Variants in SLC6A13 observed in about 807,000 individuals in gnomAD.
SLC6A13 encodes solute carrier family 6 member 13.
A neutral mutation model predicts 72.9 loss-of-function variants in SLC6A13; 69 were observed. The ratio of observed to expected loss-of-function variants is 0.95; its 90% CI spans 0.78 to 1.16. The LOEUF is 1.16. Ranked by LOEUF, SLC6A13 falls within the 50% of genes most tolerant of loss-of-function variation. The probability of loss-of-function intolerance (pLI) is 0.00; values close to 1 mark genes in which losing one functional copy is unlikely to be tolerated. For synonymous variants in SLC6A13, 303 were observed against 303.0 expected (o/e 1.00, Z 0.00); for missense variants, 735 against 760.5 (o/e 0.97, Z 0.39).
rs536589679 is a variant in SLC6A13, at chr12:224,481, C to T, written c.1093G>A (p.Ala365Thr). The T allele has an allele frequency of 2.5e-6, 4 of 1,614,130 alleles. No homozygotes were observed. The highest frequency in any genetic ancestry group is 3.3e-5 in the Admixed American group (2 of 60,026). The change falls in exon 10 of 15, where the codon GCT becomes ACT. Residue 365 changes from alanine (A) to threonine (T), a missense_variant. Ala to Thr is a moderately conservative substitution (Grantham distance 58, BLOSUM62 0). Coordinates refer to ENST00000343164, the MANE Select transcript of SLC6A13 (RefSeq NM_016615.5). ...PGLAFIAYPRAVVMLPFSPLW... is the reference protein window; with the variant it reads ...PGLAFIAYPRTVVMLPFSPLW... Reference sequence around the variant, plus strand: ...GGAGAGAAGGGCAGCATCACCACAGCCCGCGGGTAAGCGATGAAAGCCAGG... The same window carrying T: ...GGAGAGAAGGGCAGCATCACCACAGTCCGCGGGTAAGCGATGAAAGCCAGG...
At chr12:231,991 TG>T (rs1270360958) in intron 7 of SLC6A13, among the ~76,000 whole-genome samples, 5 of 152,230 alleles carry the variant, frequency 3.3e-5, no homozygotes. Flanking sequence ...GTTGCAGATG[TG>T]AGGATGAAAA....
intron 2 of SLC6A13, among the ~76,000 whole-genome samples, chr12:251,878 A>C (rs1353708672): frequency 6.6e-6 from 1 of 152,178 alleles, no homozygotes; most frequent in Admixed American, 6.5e-5. Flanking sequence ...TGGGAAGATC[A>C]TTTGAGCTCA....
chr12:231,275 G>A (rs529722149), intron 7 of SLC6A13, among the ~76,000 whole-genome samples: 53 of 152,358 alleles, frequency 3.5e-4, no homozygotes, highest in African/African-American at 1.2e-3. Context: ...GCAGAAAAAG[G>A]GGAGCAAACG....
chr12:223,586 C>T (rs1322112343), intron 11 of SLC6A13, among the ~76,000 whole-genome samples: 1 of 152,036 alleles, frequency 6.6e-6, no homozygotes, highest in Non-Finnish European at 1.5e-5. Flanking sequence ...CTGACAAGCT[C>T]CGTCTCCCTC....
chr12:227,730 G>A lies in SLC6A13; in HGVS notation c.832-62C>T, dbSNP rs181053534. 1.2e-5 allele frequency: 17 copies of A among 1,403,548 alleles called. No homozygotes were observed. The African/African-American group carries it at 1.6e-4, about 13-fold the overall frequency. 86.9% of individuals were successfully genotyped at this position (1,403,548 alleles called of 1,614,324 possible). A position where few individuals can be genotyped will look rare whatever the true frequency, so the allele number is the denominator to read the frequency against. ...GAAAGCCAGGCCATTCAAGCCATGG[G>A]CGGACACAGGCATGTGGCTGAGCCA... On this transcript the variant is annotated intron_variant, in intron 7 of 14. Coordinates refer to ENST00000343164, the MANE Select transcript of SLC6A13 (RefSeq NM_016615.5).
chr12:229,531 A>G (rs1481027166), intron 7 of SLC6A13, among the ~76,000 whole-genome samples: 13 of 152,230 alleles, frequency 8.5e-5, no homozygotes, highest in Admixed American at 8.5e-4. Flanking sequence ...CCTTCTGGCA[A>G]AAGGCCCTGA....
At chr12:256,319 T>A (rs1376770653) in intron 2 of SLC6A13, among the ~76,000 whole-genome samples, 2 of 152,086 alleles carry the variant, frequency 1.3e-5, no homozygotes, top group Non-Finnish European at 2.9e-5. Flanking sequence ...GCTCAGGGCT[T>A]GGCTGAGTAT....
Position 226,391 on chromosome 12 carries a change from T to C in SLC6A13, c.1059A>G (p.Ser353=), listed in dbSNP as rs754849417. 18 of 1,613,834 alleles carry C rather than the reference T, an allele frequency of 1.1e-5. No individual in the cohort carries two copies. The highest frequency in any genetic ancestry group is 1.5e-5 in the Non-Finnish European group (18 of 1,179,780). ...QGVPISEVAE[S]GPGLAFIAYP... ...CCAGGCCTCCCCAGTAACACTCACC[T>C]GACTCGGCCACCTCAGAAATGGGCA... Residue 353 remains serine (S), a splice_region_variant and synonymous_variant, in exon 9 of 15, where the codon TCA becomes TCG. Transcript: ENST00000343164.
rs1228114908 is a variant in SLC6A13 at position 220,976 on chromosome 12, C to T, written c.1781G>A (p.Arg594Lys). The change falls in exon 15 of 15, where the codon AGA (arginine) becomes AAA (lysine). Residue 594 changes from arginine to lysine, a missense_variant. Transcript: ENST00000343164. ...GCAGTGAGACTCTAGCTCTGTGAGTCTGAGCAGTGAGGTCCTGGGGGTGGC... is the reference window on the plus strand; with the variant it reads ...GCAGTGAGACTCTAGCTCTGTGAGTTTGAGCAGTGAGGTCCTGGGGGTGGC... ...APATPRTSLL[R>K]LTELESHC 1.2e-6 allele frequency: 2 copies of T among 1,613,118 alleles called. No individual in the cohort carries two copies. Among genetic ancestry groups the T allele is most frequent in the Non-Finnish European group, 1.7e-6 (2 of 1,179,956 alleles).
intron 7 of SLC6A13, among the ~76,000 whole-genome samples, chr12:233,251 G>T (rs1307178945): frequency 2.6e-5 from 4 of 152,164 alleles, no homozygotes; most frequent in Admixed American, 2.0e-4. Flanking sequence ...GGCCTCTGGG[G>T]CGGAGCTTAC....
chr12:250,230 G>A (rs185994474), intron 2 of SLC6A13, among the ~76,000 whole-genome samples: 3 of 152,208 alleles, frequency 2.0e-5, no homozygotes, highest in South Asian at 2.1e-4. Context: ...AATAAAACAA[G>A]TGTCTATTCT....
In SLC6A13 at chr12:227,423, C is replaced by T. The variant is rs1046059388; in HGVS notation, c.935+142G>A. ...GTTGGCTCCTTGCAGCTCCTGGTAG[C>T]CCTGGGGTGTTGGATATGGGGGTGT... is the stretch of plus-strand genomic sequence containing the variant. On this transcript the variant is annotated intron_variant, in intron 8 of 14. Transcript: ENST00000343164. 4 of 1,432,702 alleles carry T rather than the reference C, an allele frequency of 2.8e-6. No individual in the cohort carries two copies. In the Admixed American group the frequency reaches 8.8e-5, roughly 32 times the overall value. The allele number at this position is 1,432,702 out of a possible 1,614,324, so 88.7% of individuals were successfully genotyped here. A position where few individuals can be genotyped will look rare whatever the true frequency, so the allele number is the denominator to read the frequency against.
rs1273350391 is a variant in SLC6A13 at position 223,158 on chromosome 12, T to C, written c.1388A>G (p.Glu463Gly). 4 of 1,613,384 alleles carry C rather than the reference T, an allele frequency of 2.5e-6. No individual in the cohort carries two copies. The African/African-American group carries it at 5.3e-5, about 22-fold the overall frequency. The change falls in exon 12 of 15, where the codon GAG becomes GGG. Residue 463 changes from glutamate (E) to glycine (G), a missense_variant. Physicochemically the swap from Glu to Gly is moderately conservative, Grantham distance 98 (BLOSUM62 -2). Transcript: ENST00000343164. ...GTAAACCCAAGCCACACAGAGGGAC[T>C]CGAAGATGGCCACGAACAGGAGGCA... is the stretch of plus-strand genomic sequence containing the variant. ...GMCLLFVAIF[E>G]SLCVAWVYGA...
In SLC6A13 at chr12:250,833, C is replaced by CAAAAAAAAAAAAAAAA. The variant is rs71045051; in HGVS notation, c.203-7036_203-7021dup. Among the ~76,000 whole-genome samples, 14 of 82,594 alleles carry CAAAAAAAAAAAAAAAA rather than the reference C, an allele frequency of 1.7e-4. 1 individual carries two copies. Among genetic ancestry groups the CAAAAAAAAAAAAAAAA allele is most frequent in the African/African-American group, 2.5e-4 (5 of 20,280 alleles). The allele number at this position is 82,594 out of a possible 152,430, so 54.2% of individuals were successfully genotyped here. A position where few individuals can be genotyped will look rare whatever the true frequency, so the allele number is the denominator to read the frequency against. On this transcript the variant is annotated intron_variant, in intron 2 of 14. Transcript: ENST00000343164. ...ATGATAAGGACCCAAAATAGCCCCC[C>CAAAAAAAAAAAAAAAA]AAAAAAAAAAAAAAAAAAACCTAAA...
At chr12:237,788 CAT>C in intron 5 of SLC6A13, 136 bp downstream of exon 5, 2 of 674,530 alleles carry the variant, frequency 3.0e-6, no homozygotes, top group South Asian at 3.6e-5. Flanking sequence ...TAACCACAAA[CAT>C]AGGCACCACA....
At chr12:237,047 G>C (rs1326361519) in intron 6 of SLC6A13, 111 bp downstream of exon 6, 1 of 1,203,414 alleles carries the variant, frequency 8.3e-7, no homozygotes, top group African/African-American at 1.5e-5. Flanking sequence ...TCCTCGCTGG[G>C]TCATCGCCTC....
rs1273952242 is a variant in SLC6A13 at position 254,752 on chromosome 12, A to G, written c.202+5099T>C. On this transcript the variant is annotated intron_variant, in intron 2 of 14. Coordinates refer to ENST00000343164, the MANE Select transcript of SLC6A13 (RefSeq NM_016615.5). The surrounding 1 kb of genome is among the most constrained non-coding windows in gnomAD (Gnocchi z 4.4). Reference sequence around the variant, plus strand: ...AGCCAGATCTCTCTCACAAACCCCAAACTCACATTCTATTGCCCAGTTGCC... The same window carrying G: ...AGCCAGATCTCTCTCACAAACCCCAGACTCACATTCTATTGCCCAGTTGCC... Among the ~76,000 whole-genome samples the G allele has an allele frequency of 6.6e-6, 1 of 152,142 alleles. No homozygotes were observed. The highest frequency in any genetic ancestry group is 2.4e-5 in the African/African-American group (1 of 41,434).
At chr12:230,217 GA>G (rs1178342820) in intron 7 of SLC6A13, among the ~76,000 whole-genome samples, 1 of 152,136 alleles carries the variant, frequency 6.6e-6, no homozygotes, top group Non-Finnish European at 1.5e-5. Context: ...CCGACCAAGG[GA>G]AAAATAAGTG....
Position 243,784 on chromosome 12 carries a change from G to C in SLC6A13, c.232C>G (p.Leu78Val). The C allele has an allele frequency of 6.2e-7, 1 of 1,614,168 alleles. No homozygotes were observed. The highest frequency in any genetic ancestry group is 8.5e-7 in the Non-Finnish European group (1 of 1,180,006). ...GAFFIPYLVF[L>V]FTCGIPVFLL... The stretch of plus-strand genomic sequence containing the variant: ...AAGACAGGAATGCCACAGGTAAAGA[G>C]GAAGACGAGGTAGGGGATGAAGAAG... The change falls in exon 3 of 15, where the codon CTC (leucine) becomes GTC (valine). Residue 78 changes from leucine (L) to valine (V), a missense_variant. By Grantham distance (32) the Leu-to-Val change is conservative (BLOSUM62 1). Coordinates refer to ENST00000343164, the MANE Select transcript of SLC6A13 (RefSeq NM_016615.5).
Sources: allele counts gnomAD v4.1 joint callset (sites outside exome capture counted in the v4.1 genomes callset), GRCh38; gene constraint gnomAD v4.1.1; non-coding constraint Gnocchi (gnomAD v3.1); transcripts MANE v1.5; gene names NCBI Gene and HGNC (gene_info 2026-07-23, HGNC 2026-07-21).